The following ALDH1A2 variants were observed in gnomAD, a reference collection of about 807,000 sequenced individuals.
The protein encoded by ALDH1A2 is aldehyde dehydrogenase 1 family member A2, also known as retinal dehydrogenase 2.
ALDH1A2 carries 27 observed loss-of-function variants against 60.3 expected under a neutral mutation model. That is an observed-to-expected ratio of 0.45 (90% CI 0.33 to 0.62). The LOEUF (loss-of-function observed/expected upper bound fraction) is 0.62. Ranked by LOEUF, ALDH1A2 falls within the 20% of genes least tolerant of loss-of-function variation. The pLI is 0.02. For synonymous variants in ALDH1A2, 289 were observed against 232.4 expected, an observed-to-expected ratio of 1.24 and a Z score of -2.21; for missense variants, 581 against 643.8, an observed-to-expected ratio of 0.90 and a Z score of 1.06.
At chr15:57,992,870 G>A in intron 6 of ALDH1A2, 52 bp from the exon 7 acceptor site, 2 of 1,613,684 alleles carry the variant, frequency 1.2e-6, no homozygotes, top group Non-Finnish European at 1.7e-6. Flanking sequence ...GATGCATCAT[G>A]TTAAATGAGA....
intron 7 of ALDH1A2, chr15:57,979,934 C>T (rs138541741): frequency 2.6e-4 from 92 of 354,734 alleles, no homozygotes; most frequent in South Asian, 1.3e-3. Context: ...CCACACTTGT[C>T]GGTTCCCAGC....
chr15:58,025,334 A>T (rs531388024), intron 1 of ALDH1A2, among the ~76,000 whole-genome samples: 1 of 152,308 alleles, frequency 6.6e-6, no homozygotes, highest in African/African-American at 2.4e-5. Context: ...TCAGAATTGA[A>T]AATTGAAAAC....
intron 7 of ALDH1A2, among the ~76,000 whole-genome samples, chr15:57,979,337 A>G (rs1236966376): frequency 1.3e-5 from 2 of 152,206 alleles, no homozygotes; most frequent in Non-Finnish European, 2.9e-5. Context: ...TTGCGGGTAT[A>G]GAAACCACAA....
At chr15:57,989,125 G>A (rs1894810159) in intron 7 of ALDH1A2, among the ~76,000 whole-genome samples, 1 of 152,156 alleles carries the variant, frequency 6.6e-6, no homozygotes, top group Admixed American at 6.6e-5. Context: ...CTCCAGCCTG[G>A]GTGACAGGGC....
intron 1 of ALDH1A2, among the ~76,000 whole-genome samples, chr15:58,059,149 CATA>C (rs1319762899): frequency 6.6e-6 from 1 of 152,128 alleles, no homozygotes; most frequent in African/African-American, 2.4e-5. Flanking sequence ...TCCCAATGTG[CATA>C]ATCTCATATA....
At chr15:57,968,777 C>T (rs868002089) in intron 7 of ALDH1A2, among the ~76,000 whole-genome samples, 1 of 152,106 alleles carries the variant, frequency 6.6e-6, no homozygotes, top group African/African-American at 2.4e-5. Flanking sequence ...TTCTGTTAGC[C>T]CTACTCCCTG....
At chr15:57,995,197 A>T in intron 4 of ALDH1A2, 58 bp from the exon 5 acceptor site, 1 of 928,286 alleles carries the variant, frequency 1.1e-6, no homozygotes, top group Non-Finnish European at 1.7e-6. Flanking sequence ...AAAAATGCAA[A>T]GGGAGAACTT....
intron 11 of ALDH1A2, 125 bp downstream of exon 11, chr15:57,961,012 A>G: frequency 7.2e-7 from 1 of 1,389,566 alleles, no homozygotes. Context: ...TAAGGAGTGT[A>G]CCCCTTTTCT....
At chr15:58,025,661 G>A (rs537794409) in intron 1 of ALDH1A2, among the ~76,000 whole-genome samples, 12 of 152,164 alleles carry the variant, frequency 7.9e-5, no homozygotes, top group South Asian at 2.1e-4. Context: ...TTGTATTGCC[G>A]TAAAGGAATA....
In ALDH1A2 at chr15:57,992,864, C is replaced by T. The variant is rs1894940928; in HGVS notation, c.685-46G>A. On this transcript the variant is annotated intron_variant, in intron 6 of 12. Transcript: ENST00000249750. ...GAAACGTGGCTGATGAAAGCTGATG[C>T]ATCATGTTAAATGAGATATGCTCTA... The T allele has an allele frequency of 1.9e-6, 3 of 1,613,520 alleles. No individual in the cohort carries two copies. The East Asian group carries it at 6.7e-5, about 36-fold the overall frequency.
rs758684722 is a variant in ALDH1A2 at position 57,961,991 on chromosome 15, T to C, written c.1251+21A>G. On this transcript the variant is annotated intron_variant, in intron 10 of 12. Transcript: ENST00000249750. ...GATCCCAAGAAAGATGTGGCTTTTG[T>C]AAGAACAGCATATTTGATACCTCCT... 18 of 1,614,000 alleles carry C rather than the reference T, an allele frequency of 1.1e-5. No individual in the cohort carries two copies. In the Admixed American group the frequency reaches 2.0e-4, roughly 18 times the overall value.
At chr15:57,958,927 A>T (rs1012267803) in intron 12 of ALDH1A2, among the ~76,000 whole-genome samples, 1 of 152,190 alleles carries the variant, frequency 6.6e-6, no homozygotes, top group African/African-American at 2.4e-5. Flanking sequence ...CAATCACCAT[A>T]GGGCCTGGAA....
At chr15:58,008,574 C>A (rs181892064) in intron 4 of ALDH1A2, among the ~76,000 whole-genome samples, 1 of 151,992 alleles carries the variant, frequency 6.6e-6, no homozygotes, top group Non-Finnish European at 1.5e-5. Flanking sequence ...ACCAAGGTAC[C>A]GTTAGGCCAA....
At chr15:58,041,868 T>C (rs531614321) in intron 1 of ALDH1A2, among the ~76,000 whole-genome samples, 1 of 152,078 alleles carries the variant, frequency 6.6e-6, no homozygotes, top group East Asian at 1.9e-4. Context: ...AAGTTTAGTT[T>C]GTAAATAGGA....
In ALDH1A2 at chr15:57,955,162, G is replaced by A. The variant is rs201404328; in HGVS notation, c.*35C>T. The A allele has an allele frequency of 1.2e-5, 19 of 1,596,624 alleles. No individual in the cohort carries two copies. The highest frequency in any genetic ancestry group is 4.5e-5 in the East Asian group (2 of 44,772). On this transcript the variant is annotated 3_prime_UTR_variant, in exon 13 of 13. Transcript: ENST00000249750. ...ACAGAGAAAGCAGAGAGGGACAGAC[G>A]TGCAGGCTGGGCTTCATCCTCCTTC...
intron 1 of ALDH1A2, chr15:58,057,940 T>G (rs1040301703): frequency 1.2e-6 from 1 of 843,704 alleles, no homozygotes; most frequent in Non-Finnish European, 1.6e-6. Context: ...AAATTAAAAT[T>G]AAATTTTATA....
chr15:57,959,079 A>G (rs1893637159), intron 12 of ALDH1A2, among the ~76,000 whole-genome samples: 1 of 152,182 alleles, frequency 6.6e-6, no homozygotes, highest in Admixed American at 6.5e-5. Flanking sequence ...TAATGTAACA[A>G]GTGTGCCCAC....
intron 12 of ALDH1A2, among the ~76,000 whole-genome samples, chr15:57,957,634 C>T (rs760403841): frequency 1.3e-5 from 2 of 152,116 alleles, no homozygotes; most frequent in Non-Finnish European, 2.9e-5. Context: ...CAGGACGAAA[C>T]AGCAAGGCAA....
chr15:58,037,141 G>A (rs1595682283), intron 1 of ALDH1A2, among the ~76,000 whole-genome samples: 1 of 151,596 alleles, frequency 6.6e-6, no homozygotes, highest in Admixed American at 6.6e-5. Flanking sequence ...TGTCCTCAAA[G>A]TAAGTAGAAT....
Sources: gnomAD v4.1 joint callset for allele counts (sites outside exome capture counted in the v4.1 genomes callset) on GRCh38, gnomAD v4.1.1 for gene constraint, MANE v1.5 for transcripts, NCBI Gene and HGNC (gene_info 2026-07-23, HGNC 2026-07-21) for gene names.